Variants in INCENP observed in about 807,000 individuals in gnomAD.
The protein encoded by INCENP is binds and activates aurora-B and -C in vivo and in vitro.
A neutral mutation model predicts 107.3 loss-of-function variants in INCENP; 43 were observed. That is an observed-to-expected ratio of 0.40 (90% CI 0.31 to 0.52). INCENP has a LOEUF of 0.52. INCENP is among the 20% of genes least tolerant of loss of function. The pLI is 0.53. For missense variants in INCENP, 1,089 were observed against 1,250.9 expected, an observed-to-expected ratio of 0.87 and a Z score of 1.95; for synonymous variants, 488 against 494.4, an observed-to-expected ratio of 0.99 and a Z score of 0.17.
At chr11:62,141,307 T>C (rs893410760) in intron 10 of INCENP, among the ~76,000 whole-genome samples, 193 bp from the exon 11 acceptor site, 2 of 152,118 alleles carry the variant, frequency 1.3e-5, no homozygotes, top group African/African-American at 4.8e-5. Context: ...TCTGTGTAGT[T>C]AAGGTGAGAG....
intron 4 of INCENP, among the ~76,000 whole-genome samples, chr11:62,134,105 C>T (rs570671277): frequency 2.0e-5 from 3 of 152,122 alleles, no homozygotes; most frequent in Non-Finnish European, 4.4e-5. Flanking sequence ...AGGAAGAAGC[C>T]GGGGACATAA....
chr11:62,125,577 G>T (rs1943730655), intron 1 of INCENP, among the ~76,000 whole-genome samples: 1 of 152,238 alleles, frequency 6.6e-6, no homozygotes, highest in African/African-American at 2.4e-5. Flanking sequence ...TGCCCATTTG[G>T]CCCTGCCCTG....
intron 13 of INCENP, 53 bp downstream of exon 13, chr11:62,145,342 T>TA: frequency 1.2e-6 from 2 of 1,610,156 alleles, no homozygotes; most frequent in South Asian, 2.2e-5. Flanking sequence ...GGCCAAGGGT[T>TA]AGGACTGGAC....
chr11:62,151,851 G>A lies in INCENP; in HGVS notation c.2632G>A (p.Glu878Lys). ...LFGTILPLDLEDIFKKSKPRY... is the reference protein window; with the variant it reads ...LFGTILPLDLKDIFKKSKPRY... ...TGGAACCATTCTCCCACTGGACTTG[G>A]AGGATATCTTCAAGAAGAGCAAGCC... The change falls in exon 19 of 19, where the codon GAG becomes AAG. Residue 878 changes from glutamate to lysine, a missense_variant. Coordinates refer to ENST00000394818, the MANE Select transcript of INCENP (RefSeq NM_001040694.2). 1 of 1,614,140 alleles carries A rather than the reference G, an allele frequency of 6.2e-7. No homozygotes were observed. The highest frequency in any genetic ancestry group is 8.5e-7 in the Non-Finnish European group (1 of 1,179,986).
intron 11 of INCENP, among the ~76,000 whole-genome samples, chr11:62,142,857 T>C (rs1008238131): frequency 6.6e-6 from 1 of 152,220 alleles, no homozygotes; most frequent in African/African-American, 2.4e-5. Flanking sequence ...TCCTAGCATC[T>C]GCAGCTTAGA....
In INCENP at chr11:62,138,732, C is replaced by T. The variant is rs1279589271; in HGVS notation, c.1135C>T (p.Pro379Ser). 1.9e-6 allele frequency: 3 copies of T among 1,614,148 alleles called. No homozygotes were observed. Among genetic ancestry groups the T allele is most frequent in the Non-Finnish European group, 2.5e-6 (3 of 1,180,008 alleles). The change falls in exon 6 of 19, where the codon CCC (proline) becomes TCC (serine). Residue 379 changes from proline to serine, a missense_variant. Physicochemically the swap from Pro to Ser is moderately conservative, Grantham distance 74. Coordinates refer to ENST00000394818, the MANE Select transcript of INCENP (RefSeq NM_001040694.2). ...TTTCAGTTCTGAGCAGAAGGAACCC[C>T]CCGAGGAGGCTGAGCCTGTGGCGGC... The part of the protein sequence containing the change: ...QKVGSEQKEP[P>S]EEAEPVAAAE...
At chr11:62,141,381 T>G (rs1944118395) in intron 10 of INCENP, 119 bp from the exon 11 acceptor site, 1 of 1,319,088 alleles carries the variant, frequency 7.6e-7, no homozygotes, top group South Asian at 1.2e-5. Context: ...GTGGGGGTGC[T>G]GCTGGCAGGA....
chr11:62,150,165 G>A lies in INCENP; in HGVS notation c.2500G>A (p.Asp834Asn), dbSNP rs1944343908. The A allele has an allele frequency of 3.1e-6, 5 of 1,614,112 alleles. No individual in the cohort carries two copies. The highest frequency in any genetic ancestry group is 4.2e-6 in the Non-Finnish European group (5 of 1,180,022). ...TCTGAATAGCGACGACTCCACCGAT[G>A]ATGAGGCCCATCCCCGGAAGCCCAT... The part of the protein sequence containing the change: ...MDLNSDDSTD[D>N]EAHPRKPIPT... Residue 834 changes from aspartate to asparagine, a missense_variant, in exon 18 of 19, where the codon GAT (aspartate) becomes AAT (asparagine). Transcript: ENST00000394818.
intron 3 of INCENP, 78 bp downstream of exon 3, chr11:62,128,961 A>G: frequency 1.0e-6 from 1 of 998,484 alleles, no homozygotes; most frequent in African/African-American, 1.6e-5. Context: ...TTGATTCTGA[A>G]GGTGTTGATT....
In INCENP at chr11:62,138,979, C is replaced by T. The variant is rs143554553; in HGVS notation, c.1265C>T (p.Pro422Leu). 5.6e-6 allele frequency: 9 copies of T among 1,613,898 alleles called. No individual in the cohort carries two copies. The highest frequency in any genetic ancestry group is 3.3e-5 in the Admixed American group (2 of 60,030). ...TPNPKPAASS[P>L]ETPSAGQQEA... Reference sequence around the variant, plus strand: ...AACCCGAAGCCTGCAGCCAGCAGCCCGGAAACACCCTCTGCAGGGCAGCAA... The same window carrying T: ...AACCCGAAGCCTGCAGCCAGCAGCCTGGAAACACCCTCTGCAGGGCAGCAA... The change falls in exon 7 of 19, where the codon CCG becomes CTG. Residue 422 changes from proline (P) to leucine (L), a missense_variant. Pro to Leu is a moderately conservative substitution (Grantham distance 98). Transcript: ENST00000394818.
rs776644769 is a variant in INCENP at position 62,129,917 on chromosome 11, A to C, written c.390A>C (p.Ala130=). 4 of 1,613,154 alleles carry C rather than the reference A, an allele frequency of 2.5e-6. No homozygotes were observed. The highest frequency in any genetic ancestry group is 3.4e-6 in the Non-Finnish European group (4 of 1,179,992). The stretch of plus-strand genomic sequence containing the variant: ...GGCGTGTGACCCGTGCTGCGGCTGC[A>C]GCTGCCGCGGCTACCATGGCATTGG... ...VLRRVTRAAA[A]AAAATMALAA... Residue 130 remains alanine (A), a synonymous_variant, in exon 4 of 19, where the codon GCA becomes GCC. Transcript: ENST00000394818.
At position 62,152,648 on chromosome 11, in the gene INCENP, G is replaced by A. The variant is rs1224504914; in HGVS notation, c.*672G>A. 6.5e-6 allele frequency: 1 copy of A among 152,746 alleles called. No homozygotes were observed. The highest frequency in any genetic ancestry group is 1.5e-5 in the Non-Finnish European group (1 of 68,540). 9.5% of individuals were successfully genotyped at this position (152,746 alleles called of 1,614,324 possible). A position where few individuals can be genotyped will look rare whatever the true frequency, so the allele number is the denominator to read the frequency against. ...GGTCTTGACACGGCCCTGCCACTTA[G>A]TCCCCTACCCTCTCCATTCCCCAGG... On this transcript the variant is annotated 3_prime_UTR_variant, in exon 19 of 19. Transcript: ENST00000394818.
intron 1 of INCENP, among the ~76,000 whole-genome samples, chr11:62,125,290 G>A (rs1008181200): frequency 2.6e-5 from 4 of 152,218 alleles, no homozygotes; most frequent in Non-Finnish European, 4.4e-5. Context: ...CGTGAAAGAA[G>A]TCCAATTGCT....
At chr11:62,148,424 C>T in intron 15 of INCENP, 52 bp from the exon 16 acceptor site, 1 of 1,528,032 alleles carries the variant, frequency 6.5e-7, no homozygotes, top group Admixed American at 2.0e-5. Flanking sequence ...GGGAACAGGG[C>T]TTGGGCTGGG....
At position 62,133,932 on chromosome 11, in the gene INCENP, C is replaced by A. The variant is rs192068008; in HGVS notation, c.1063+3342C>A. On this transcript the variant is annotated intron_variant, in intron 4 of 18. Transcript: ENST00000394818. ...CCTGTGCACCCCAACCTCCCGCTGGCCACCTCCCAGCCTGAACTCTGACCA... is the reference window on the plus strand; with the variant it reads ...CCTGTGCACCCCAACCTCCCGCTGGACACCTCCCAGCCTGAACTCTGACCA... 9.1e-4 allele frequency among the ~76,000 whole-genome samples: 138 copies of A among 152,252 alleles called. 1 individual carries two copies. The highest frequency in any genetic ancestry group is 3.2e-3 in the African/African-American group (135 of 41,556).
At chr11:62,137,559 C>A (rs111465415) in intron 4 of INCENP, among the ~76,000 whole-genome samples, 1 of 152,164 alleles carries the variant, frequency 6.6e-6, no homozygotes, top group Non-Finnish European at 1.5e-5. Context: ...TCCCTCTTCT[C>A]GAGATATTCC....
chr11:62,152,023 ATCTG>A lies in INCENP; in HGVS notation c.*58_*61del, dbSNP rs1432925800. 3.5e-6 allele frequency: 5 copies of A among 1,423,702 alleles called. No homozygotes were observed. The highest frequency in any genetic ancestry group is 1.4e-5 in the African/African-American group (1 of 70,910). The allele number at this position is 1,423,702 out of a possible 1,614,324, so 88.2% of individuals were successfully genotyped here. A position where few individuals can be genotyped will look rare whatever the true frequency, so the allele number is the denominator to read the frequency against. On this transcript the variant is annotated 3_prime_UTR_variant, in exon 19 of 19. Transcript: ENST00000394818. ...GCAGCCTCGCCTCCTGTCCATGTCT[ATCTG>A]TCTGTCTGTCGGTCTCTGTCTTGGT... is the stretch of plus-strand genomic sequence containing the variant.
chr11:62,141,771 C>T, intron 11 of INCENP: 1 of 586,578 alleles, frequency 1.7e-6, no homozygotes, highest in East Asian at 2.9e-5. Flanking sequence ...TTCACCAGGG[C>T]TACAGCTTGA....
chr11:62,152,027 G>C lies in INCENP; in HGVS notation c.*51G>C, dbSNP rs1284928957. ...CCTCGCCTCCTGTCCATGTCTATCT[G>C]TCTGTCTGTCGGTCTCTGTCTTGGT... On this transcript the variant is annotated 3_prime_UTR_variant, in exon 19 of 19. Coordinates refer to ENST00000394818, the MANE Select transcript of INCENP (RefSeq NM_001040694.2). 9.3e-6 allele frequency: 13 copies of C among 1,391,696 alleles called. No individual in the cohort carries two copies. The highest frequency in any genetic ancestry group is 1.2e-5 in the Non-Finnish European group (12 of 1,000,896). The allele number at this position is 1,391,696 out of a possible 1,614,324, so 86.2% of individuals were successfully genotyped here. A position where few individuals can be genotyped will look rare whatever the true frequency, so the allele number is the denominator to read the frequency against.
Sources: allele counts gnomAD v4.1 joint callset (sites outside exome capture counted in the v4.1 genomes callset), GRCh38; gene constraint gnomAD v4.1.1; transcripts MANE v1.5; gene names NCBI Gene and HGNC (gene_info 2026-07-23, HGNC 2026-07-21).